Variants in NEGR1 observed in about 807,000 individuals in gnomAD.
NEGR1 encodes neuronal growth regulator 1.
Under a neutral mutation model 40.9 loss-of-function variants are expected in NEGR1, and 10 were observed. The observed-to-expected ratio is 0.24, with a 90% CI of 0.15 to 0.42. The LOEUF is 0.42. Ranked by LOEUF, NEGR1 falls within the 10% of genes least tolerant of loss-of-function variation. The pLI, the probability that NEGR1 is intolerant of heterozygous loss-of-function variation, is 1.00. For missense variants in NEGR1, 352 were observed against 438.9 expected, an observed-to-expected ratio of 0.80 and a Z score of 1.77; for synonymous variants, 185 against 166.8, an observed-to-expected ratio of 1.11 and a Z score of -0.84.
chr1:71,811,946 G>C (rs1421803600), intron 2 of NEGR1, among the ~76,000 whole-genome samples: 1 of 149,740 alleles, frequency 6.7e-6, no homozygotes, highest in Non-Finnish European at 1.5e-5. Flanking sequence ...TGCAGGTTTA[G>C]TATATAGGTA....
intron 1 of NEGR1, among the ~76,000 whole-genome samples, chr1:72,158,725 A>T (rs914686570): frequency 6.6e-6 from 1 of 152,202 alleles, no homozygotes; most frequent in African/African-American, 2.4e-5. Context: ...AGATTGAAAG[A>T]CAATTTGTAC....
intron 1 of NEGR1, among the ~76,000 whole-genome samples, chr1:72,148,167 C>T (rs1025962568): frequency 3.3e-5 from 5 of 152,142 alleles, no homozygotes; most frequent in East Asian, 3.9e-4. Context: ...AGATGCTCCA[C>T]GAGGACCCCG....
intron 5 of NEGR1, among the ~76,000 whole-genome samples, chr1:71,608,254 G>T (rs1650131801): frequency 6.6e-6 from 1 of 152,176 alleles, no homozygotes; most frequent in South Asian, 2.1e-4. Flanking sequence ...AAGTGCATTT[G>T]ATTTTCACAG....
chr1:71,806,292 A>T (rs987808806), intron 2 of NEGR1, among the ~76,000 whole-genome samples: 16 of 152,164 alleles, frequency 1.1e-4, no homozygotes, highest in African/African-American at 3.8e-4. Context: ...CACCATGTGA[A>T]TTTTTACAAT....
In NEGR1 at chr1:72,282,327, C is replaced by G; in HGVS notation, c.168G>C (p.Ala56=). ...CACGCCGTTCTTCCTACCTAAGCAC[C>G]GCCGTGTCCCCTTTTCTGACCATCA... ...DNMMVRKGDT[A]VLRCYLEDGA... Residue 56 remains alanine, a synonymous_variant, in exon 1 of 7, where the codon GCG becomes GCC. Coordinates refer to ENST00000357731, the MANE Select transcript of NEGR1 (RefSeq NM_173808.3). 1 of 1,614,000 alleles carries G rather than the reference C, an allele frequency of 6.2e-7. No homozygotes were observed.
At chr1:72,175,154 A>G (rs1371687611) in intron 1 of NEGR1, among the ~76,000 whole-genome samples, 1 of 151,956 alleles carries the variant, frequency 6.6e-6, no homozygotes, top group Non-Finnish European at 1.5e-5. Context: ...AACTGTGTAG[A>G]TTAGACACAG....
At chr1:72,009,905 G>C (rs903851022) in intron 1 of NEGR1, among the ~76,000 whole-genome samples, 1 of 151,772 alleles carries the variant, frequency 6.6e-6, no homozygotes, top group Non-Finnish European at 1.5e-5. Context: ...CCATTCTACT[G>C]CTAGTTAAAT....
chr1:72,247,163 C>T (rs559289921), intron 1 of NEGR1, among the ~76,000 whole-genome samples: 1 of 152,268 alleles, frequency 6.6e-6, no homozygotes, highest in Non-Finnish European at 1.5e-5. Context: ...CTCTAAAATG[C>T]CTTTGAGGCC....
intron 1 of NEGR1, among the ~76,000 whole-genome samples, chr1:72,241,739 T>C (rs1267735925): frequency 6.6e-6 from 1 of 151,638 alleles, no homozygotes; most frequent in Non-Finnish European, 1.5e-5. Context: ...CTTTTTTTTT[T>C]CTGAGCAGTT....
intron 1 of NEGR1, among the ~76,000 whole-genome samples, chr1:72,204,199 G>A (rs950676994): frequency 7.9e-5 from 12 of 151,802 alleles, no homozygotes; most frequent in Admixed American, 4.6e-4. Flanking sequence ...GAATTAAATG[G>A]GTGACTACAT....
chr1:72,017,894 A>G (rs911570879), intron 1 of NEGR1, among the ~76,000 whole-genome samples: 1 of 152,138 alleles, frequency 6.6e-6, no homozygotes, highest in East Asian at 1.9e-4. Context: ...ATACATACAA[A>G]ATTATTTAAA....
At chr1:71,447,116 C>A (rs530959384) in intron 6 of NEGR1, among the ~76,000 whole-genome samples, 4 of 152,360 alleles carry the variant, frequency 2.6e-5, no homozygotes, top group Admixed American at 2.0e-4. Flanking sequence ...GCGGGCCTTA[C>A]TGTCTGAACT....
chr1:71,902,011 A>G (rs2101864308), intron 2 of NEGR1, among the ~76,000 whole-genome samples: 1 of 152,324 alleles, frequency 6.6e-6, no homozygotes, highest in African/African-American at 2.4e-5. Context: ...ATAACACCAC[A>G]AAAGTGAAAA....
At chr1:71,708,050 C>A (rs1281759094) in intron 3 of NEGR1, among the ~76,000 whole-genome samples, 1 of 152,080 alleles carries the variant, frequency 6.6e-6, no homozygotes, top group Non-Finnish European at 1.5e-5. Context: ...TAAGCCCAGA[C>A]AATGAAGGCT....
intron 6 of NEGR1, among the ~76,000 whole-genome samples, chr1:71,441,875 A>G (rs1231892285): frequency 6.6e-6 from 1 of 152,164 alleles, no homozygotes. Context: ...ATTATAGAAG[A>G]TTATTTTATT....
At chr1:72,151,875 T>C (rs962553211) in intron 1 of NEGR1, among the ~76,000 whole-genome samples, 1 of 151,790 alleles carries the variant, frequency 6.6e-6, no homozygotes, top group East Asian at 1.9e-4. Flanking sequence ...CCTAATAGAA[T>C]AGCCAAAATT....
At chr1:71,705,630 A>G (rs479582) in intron 3 of NEGR1, among the ~76,000 whole-genome samples, 75,775 of 151,970 alleles carry the variant, frequency 0.5, 18,943 homozygotes, top group East Asian at 0.65. Context: ...TGAGGTGGGA[A>G]AATGGCGCGA....
Position 72,244,331 on chromosome 1 carries a change from T to A in NEGR1, c.176+37988A>T, listed in dbSNP as rs867296236. 3.3e-5 allele frequency among the ~76,000 whole-genome samples: 5 copies of A among 152,010 alleles called. No individual in the cohort carries two copies. The Middle Eastern group carries it at 0.014, about 419-fold the overall frequency. ...TGTTAGATCTGTTAGATTTTGTAAA[T>A]CTTTCCTATCTATACAGGATGGTAC... is the stretch of plus-strand genomic sequence containing the variant. On this transcript the variant is annotated intron_variant, in intron 1 of 6. Coordinates refer to ENST00000357731, the MANE Select transcript of NEGR1 (RefSeq NM_173808.3).
intron 2 of NEGR1, among the ~76,000 whole-genome samples, chr1:71,872,292 C>G (rs547267786): frequency 6.6e-6 from 1 of 152,182 alleles, no homozygotes. Context: ...TTTTGCTGAA[C>G]TAACTTCCAG....
Sources: gnomAD v4.1 joint callset for allele counts (sites outside exome capture counted in the v4.1 genomes callset) on GRCh38, gnomAD v4.1.1 for gene constraint, MANE v1.5 for transcripts, NCBI Gene and HGNC (gene_info 2026-07-23, HGNC 2026-07-21) for gene names.